Variants in LEPR observed in about 807,000 individuals in gnomAD.
LEPR encodes leptin receptor.
A neutral mutation model predicts 114.7 loss-of-function variants in LEPR; 56 were observed. The observed-to-expected ratio is 0.49, with a 90% CI of 0.39 to 0.61. The LOEUF is 0.61. LEPR is among the 20% of genes least tolerant of loss of function. LEPR has a pLI of 0.00. For missense variants in LEPR, 1,202 were observed against 1,352.9 expected (o/e 0.89, Z 1.75); for synonymous variants, 443 against 461.4 (o/e 0.96, Z 0.51).
intron 2 of LEPR, among the ~76,000 whole-genome samples, chr1:65,541,247 CAT>C (rs1219605911): frequency 1.3e-5 from 2 of 152,176 alleles, no homozygotes; most frequent in South Asian, 2.1e-4. Context: ...TCTAGCATCA[CAT>C]GTGGTAGCTT....
intron 2 of LEPR, among the ~76,000 whole-genome samples, chr1:65,532,483 A>G (rs1362204976): frequency 6.6e-6 from 1 of 152,194 alleles, no homozygotes; most frequent in Admixed American, 6.5e-5. Context: ...ATTCCTAGGC[A>G]TATACCTAAG....
intron 2 of LEPR, chr1:65,436,032 A>C: frequency 1.0e-6 from 1 of 984,084 alleles, no homozygotes; most frequent in Non-Finnish European, 1.2e-6. Flanking sequence ...TACATTATTA[A>C]ATGAAAAAGT....
At chr1:65,597,783 C>A (rs1656165973) in intron 7 of LEPR, among the ~76,000 whole-genome samples, 1 of 152,184 alleles carries the variant, frequency 6.6e-6, no homozygotes, top group East Asian at 1.9e-4. Flanking sequence ...AAATTTAAAA[C>A]ATTTTATTTT....
chr1:65,446,442 C>T (rs72681325), intron 2 of LEPR, among the ~76,000 whole-genome samples: 1 of 152,134 alleles, frequency 6.6e-6, no homozygotes, highest in South Asian at 2.1e-4. Context: ...GAACAGAGGT[C>T]ACTTTCATTG....
intron 2 of LEPR, among the ~76,000 whole-genome samples, chr1:65,465,941 C>T (rs539283178): frequency 7.2e-4 from 109 of 152,260 alleles, no homozygotes; most frequent in African/African-American, 2.5e-3. Flanking sequence ...GATAGGTCTC[C>T]TGAATACAGC....
chr1:65,460,476 G>T (rs995456799), intron 2 of LEPR, among the ~76,000 whole-genome samples: 1 of 152,244 alleles, frequency 6.6e-6, no homozygotes, highest in East Asian at 1.9e-4. Context: ...TCTACTGTGT[G>T]TGCATAGATA....
At chr1:65,582,343 A>G (rs1428756148) in intron 5 of LEPR, among the ~76,000 whole-genome samples, 1 of 152,174 alleles carries the variant, frequency 6.6e-6, no homozygotes, top group Non-Finnish European at 1.5e-5. Context: ...AGTCATTTCA[A>G]GGTTCAACTT....
At chr1:65,470,749 G>A (rs886201743) in intron 2 of LEPR, among the ~76,000 whole-genome samples, 6 of 152,174 alleles carry the variant, frequency 3.9e-5, no homozygotes, top group Admixed American at 6.5e-5. Context: ...AAACTTTCTC[G>A]ATATCCAAAT....
At chr1:65,569,707 TAAAA>T (rs199787348) in intron 3 of LEPR, among the ~76,000 whole-genome samples, 43 of 92,476 alleles carry the variant, frequency 4.6e-4, no homozygotes, top group African/African-American at 1.8e-3. Context: ...AATTCCATCT[TAAAA>T]AAAAAAAAAA....
intron 2 of LEPR, chr1:65,435,912 G>T (rs1646556736): frequency 1.0e-6 from 1 of 984,874 alleles, no homozygotes; most frequent in Non-Finnish European, 1.2e-6. Flanking sequence ...CTTTCAAATA[G>T]CCATGCTACC....
rs115354054 is a variant in LEPR, at chr1:65,478,241, A to G, written c.-21+52863A>G. ...CTGGGTCCCACTGACATCTCTGCCA[A>G]TTATTGGCTCTCCAAGTCCCCCTTT... On this transcript the variant is annotated intron_variant, in intron 2 of 19. Transcript: ENST00000349533. Among the ~76,000 whole-genome samples, 67 of 152,326 alleles carry G rather than the reference A, an allele frequency of 4.4e-4. 1 individual carries two copies. The highest frequency in any genetic ancestry group is 3.5e-4 in the Non-Finnish European group (24 of 68,034).
chr1:65,537,752 T>C (rs973648831), intron 2 of LEPR, among the ~76,000 whole-genome samples: 2 of 152,150 alleles, frequency 1.3e-5, no homozygotes, highest in African/African-American at 4.8e-5. Flanking sequence ...TTGATAATAT[T>C]TTAGGTTTAG....
At chr1:65,619,442 GT>G (rs1214375860) in intron 16 of LEPR, among the ~76,000 whole-genome samples, 2 of 152,178 alleles carry the variant, frequency 1.3e-5, no homozygotes, top group Non-Finnish European at 2.9e-5. Context: ...AAGGGGTCTC[GT>G]GGTCTCCACC....
chr1:65,625,975 ACTCT>A, intron 19 of LEPR: 2 of 535,880 alleles, frequency 3.7e-6, no homozygotes, highest in East Asian at 2.8e-5. Context: ...AGGCTGAAAC[ACTCT>A]CTCTTCAGCA....
intron 11 of LEPR, among the ~76,000 whole-genome samples, chr1:65,606,289 C>A (rs542254944): frequency 6.6e-6 from 1 of 152,164 alleles, no homozygotes; most frequent in African/African-American, 2.4e-5. Context: ...CCCTCCTACA[C>A]TCCCCCAAAC....
chr1:65,487,716 A>T (rs201077142), intron 2 of LEPR, among the ~76,000 whole-genome samples: 1,013 of 76,986 alleles, frequency 0.013, 3 homozygotes, highest in Non-Finnish European at 0.028. Context: ...ATTTTTTTTT[A>T]AAATTATCTT....
chr1:65,495,616 C>T (rs61218937), intron 2 of LEPR, among the ~76,000 whole-genome samples: 24,167 of 152,116 alleles, frequency 0.16, 2,111 homozygotes, highest in Middle Eastern at 0.3. Context: ...TATTGCAGTG[C>T]TATTCACAAT....
chr1:65,616,575 A>G (rs983021099), intron 15 of LEPR, among the ~76,000 whole-genome samples: 1 of 151,646 alleles, frequency 6.6e-6, no homozygotes, highest in Non-Finnish European at 1.5e-5. Context: ...TCATACATAC[A>G]CACATATAAA....
intron 19 of LEPR, chr1:65,635,292 T>C: frequency 1.0e-6 from 1 of 981,060 alleles, no homozygotes; most frequent in Non-Finnish European, 1.2e-6. Context: ...TCAACAGCTT[T>C]TTTTATTTTG....
Sources: gnomAD v4.1 joint callset for allele counts (sites outside exome capture counted in the v4.1 genomes callset) on GRCh38, gnomAD v4.1.1 for gene constraint, MANE v1.5 for transcripts, NCBI Gene and HGNC (gene_info 2026-07-23, HGNC 2026-07-21) for gene names.